The following ITGAM variants were observed in gnomAD, a reference collection of about 807,000 sequenced individuals.
The protein encoded by ITGAM is integrin subunit alpha M.
In ITGAM, 79 loss-of-function variants were observed where a neutral mutation model predicts 137.5. The observed-to-expected ratio is 0.57, with a 90% CI of 0.48 to 0.69. ITGAM has a LOEUF of 0.69. ITGAM is among the 30% of genes least tolerant of loss of function. ITGAM has a pLI of 0.00. For synonymous variants in ITGAM, 583 were observed against 592.3 expected (o/e 0.98, Z 0.23); for missense variants, 1,343 against 1,483.5 (o/e 0.91, Z 1.56).
At chr16:31,303,130 T>A (rs998262992) in intron 14 of ITGAM, among the ~76,000 whole-genome samples, 1 of 151,762 alleles carries the variant, frequency 6.6e-6, no homozygotes, top group Admixed American at 6.6e-5. Context: ...ACACCCAGGC[T>A]CAAGCAATTC....
chr16:31,316,164 G>A lies in ITGAM; in HGVS notation c.1708-5077G>A, dbSNP rs1449019820. Among the ~76,000 whole-genome samples the A allele has an allele frequency of 4.4e-4, 4 of 9,116 alleles. 2 individuals are homozygous for A. Among genetic ancestry groups the A allele is most frequent in the Non-Finnish European group, 6.6e-4 (4 of 6,106 alleles). The allele number at this position is 9,116 out of a possible 152,430, so 6.0% of individuals were successfully genotyped here. On this transcript the variant is annotated intron_variant, in intron 14 of 29. Coordinates refer to ENST00000544665, the MANE Select transcript of ITGAM (RefSeq NM_000632.4). ...AGTCGAGATTGCGCCACTGCAGTCC[G>A]CAGTCCGGCCTGGGCGACAGAGCGA...
chr16:31,331,339 G>A, intron 29 of ITGAM, 64 bp downstream of exon 29: 2 of 960,444 alleles, frequency 2.1e-6, no homozygotes, highest in Non-Finnish European at 3.3e-6. Flanking sequence ...GCAGCTCCGT[G>A]CCTCGGTTTC....
chr16:31,262,353 TTCC>T, intron 2 of ITGAM, among the ~76,000 whole-genome samples: 1 of 109,572 alleles, frequency 9.1e-6, no homozygotes, highest in East Asian at 2.8e-4. Context: ...CCTTCCTTCC[TTCC>T]TTCCTTCCTT....
intron 9 of ITGAM, among the ~76,000 whole-genome samples, chr16:31,276,467 G>A (rs2079906894): frequency 6.6e-6 from 1 of 152,038 alleles, no homozygotes; most frequent in Non-Finnish European, 1.5e-5. Context: ...GAGTAGCTGG[G>A]ATTACAGGCG....
In ITGAM at chr16:31,290,259, G is replaced by T. The variant is rs529050301; in HGVS notation, c.1357-7255G>T. On this transcript the variant is annotated intron_variant, in intron 12 of 29. Transcript: ENST00000544665. The stretch of plus-strand genomic sequence containing the variant: ...TCCAGGGGCTGGGGGTTGGACTGGG[G>T]ATTGGAAATACTGCTAACAGGTAGA... Among the ~76,000 whole-genome samples, 140 of 152,164 alleles carry T rather than the reference G, an allele frequency of 9.2e-4. 1 individual carries two copies. The highest frequency in any genetic ancestry group is 7.5e-3 in the Admixed American group (115 of 15,256).
rs117586060 is a variant in ITGAM at position 31,266,179 on chromosome 16, G to A, written c.427+32G>A. The stretch of plus-strand genomic sequence containing the variant: ...TGCCTTTGGCAGAGGGAACAGATGC[G>A]CAGCAAAAGACCAGGGGAGGGGGCA... On this transcript the variant is annotated intron_variant, in intron 5 of 29. Transcript: ENST00000544665. 406 of 1,461,654 alleles carry A rather than the reference G, an allele frequency of 2.8e-4. No individual in the cohort carries two copies. The East Asian group carries it at 6.5e-3, about 23-fold the overall frequency. 90.5% of individuals were successfully genotyped at this position (1,461,654 alleles called of 1,614,324 possible).
Position 31,271,832 on chromosome 16 carries a change from C to A in ITGAM, c.559-15C>A. 6.2e-7 allele frequency: 1 copy of A among 1,613,808 alleles called. No individual in the cohort carries two copies. Among genetic ancestry groups the A allele is most frequent in the Non-Finnish European group, 8.5e-7 (1 of 1,179,786 alleles). On this transcript the variant is annotated splice_polypyrimidine_tract_variant and intron_variant, in intron 6 of 29. Coordinates refer to ENST00000544665, the MANE Select transcript of ITGAM (RefSeq NM_000632.4). The stretch of plus-strand genomic sequence containing the variant: ...GGCACCTTCTCCAGCATCACACCAG[C>A]CGCCCCCTCCGCAGTTCTCTTTGAT...
Position 31,297,621 on chromosome 16 carries a change from G to T in ITGAM, c.1464G>T (p.Gly488=). Residue 488 remains glycine (G), a synonymous_variant, in exon 13 of 30, where the codon GGG becomes GGT. Transcript: ENST00000544665. ...CCCATTACTACGAGCAGACCCGAGGGGGCCAGGTGTCCGTGTGCCCCTTGC... is the reference window on the plus strand; with the variant it reads ...CCCATTACTACGAGCAGACCCGAGGTGGCCAGGTGTCCGTGTGCCCCTTGC... ...GAPHYYEQTR[G]GQVSVCPLPR... The T allele has an allele frequency of 1.2e-6, 2 of 1,613,372 alleles. No homozygotes were observed. Among genetic ancestry groups the T allele is most frequent in the Non-Finnish European group, 1.7e-6 (2 of 1,179,924 alleles).
At chr16:31,326,398 T>TA (rs199505424) in intron 21 of ITGAM, among the ~76,000 whole-genome samples, 52 of 152,274 alleles carry the variant, frequency 3.4e-4, no homozygotes, top group Non-Finnish European at 6.8e-4. Flanking sequence ...CTCATTGCTT[T>TA]AAAAAAATTG....
Position 31,320,539 on chromosome 16 carries a change from C to T in ITGAM, c.1708-702C>T, listed in dbSNP as rs541163935. On this transcript the variant is annotated intron_variant, in intron 14 of 29. Coordinates refer to ENST00000544665, the MANE Select transcript of ITGAM (RefSeq NM_000632.4). ...ATTAAAAAACAACAATTTCCACATACACGATGGTTTTGGCTTCATTTCCCT... is the reference window on the plus strand; with the variant it reads ...ATTAAAAAACAACAATTTCCACATATACGATGGTTTTGGCTTCATTTCCCT... Among the ~76,000 whole-genome samples, 97 of 152,238 alleles carry T rather than the reference C, an allele frequency of 6.4e-4. 1 individual carries two copies. The highest frequency in any genetic ancestry group is 2.3e-3 in the African/African-American group (96 of 41,530).
At chr16:31,323,042 G>GC (rs2080466361) in intron 16 of ITGAM, among the ~76,000 whole-genome samples, 1 of 151,996 alleles carries the variant, frequency 6.6e-6, no homozygotes, top group Non-Finnish European at 1.5e-5. Context: ...GGAGGAGAGA[G>GC]AGAGAGAGAG....
intron 14 of ITGAM, 75 bp downstream of exon 14, chr16:31,298,029 G>T: frequency 8.1e-7 from 1 of 1,229,146 alleles, no homozygotes. Context: ...TGTGCCCACA[G>T]CTGCCAGATA....
At chr16:31,289,874 G>A (rs1192803454) in intron 12 of ITGAM, among the ~76,000 whole-genome samples, 1 of 152,066 alleles carries the variant, frequency 6.6e-6, no homozygotes, top group African/African-American at 2.4e-5. Flanking sequence ...CTGAGGTCAG[G>A]AGTTTGAGAT....
chr16:31,322,898 C>T (rs2080464725), intron 16 of ITGAM, among the ~76,000 whole-genome samples: 1 of 152,080 alleles, frequency 6.6e-6, no homozygotes. Context: ...AACAAGAAGA[C>T]AGTCATTTGA....
intron 12 of ITGAM, among the ~76,000 whole-genome samples, chr16:31,278,816 C>T (rs574790317): frequency 6.6e-6 from 1 of 152,270 alleles, no homozygotes; most frequent in South Asian, 2.1e-4. Flanking sequence ...TATACATGTG[C>T]CATGTTGGTG....
intron 12 of ITGAM, among the ~76,000 whole-genome samples, chr16:31,283,780 C>T (rs1379058413): frequency 1.3e-5 from 2 of 152,208 alleles, no homozygotes; most frequent in African/African-American, 2.4e-5. Context: ...AGGAGCTGTG[C>T]TCCTTTGGAG....
At chr16:31,272,720 G>A (rs1404262892) in intron 7 of ITGAM, among the ~76,000 whole-genome samples, 1 of 150,954 alleles carries the variant, frequency 6.6e-6, no homozygotes, top group Non-Finnish European at 1.5e-5. Context: ...CTGACCTCAG[G>A]TGATTCACCT....
intron 3 of ITGAM, 142 bp downstream of exon 3, chr16:31,265,640 C>T: frequency 5.3e-6 from 4 of 755,838 alleles, no homozygotes; most frequent in Non-Finnish European, 8.7e-6. Flanking sequence ...GCAGTCTCTA[C>T]CCTAGACATC....
intron 14 of ITGAM, among the ~76,000 whole-genome samples, chr16:31,300,966 T>C (rs529385772): frequency 2.6e-5 from 4 of 152,174 alleles, no homozygotes; most frequent in Non-Finnish European, 5.9e-5. Context: ...GAGTTCACTA[T>C]ATATTTTGGA....
Sources: gnomAD v4.1 joint callset for allele counts (sites outside exome capture counted in the v4.1 genomes callset) on GRCh38, gnomAD v4.1.1 for gene constraint, MANE v1.5 for transcripts, NCBI Gene and HGNC (gene_info 2026-07-23, HGNC 2026-07-21) for gene names.